UBAC2: variants seen among roughly 807,000 people sequenced by gnomAD.
UBAC2 encodes UBA domain containing 2.
In UBAC2, 26 loss-of-function variants were observed where a neutral mutation model predicts 44.0. The ratio of observed to expected loss-of-function variants is 0.59; its 90% CI spans 0.43 to 0.82. The LOEUF is 0.82. Among genes scored for constraint, UBAC2 ranks in the 40% least tolerant of loss-of-function variants. UBAC2 has a pLI of 0.00. For synonymous variants in UBAC2, 155 were observed against 154.3 expected, an observed-to-expected ratio of 1.00 and a Z score of -0.04; for missense variants, 329 against 419.4, an observed-to-expected ratio of 0.78 and a Z score of 1.88.
intron 4 of UBAC2, among the ~76,000 whole-genome samples, chr13:99,281,494 A>T (rs2043953942): frequency 6.6e-6 from 1 of 152,184 alleles, no homozygotes; most frequent in African/African-American, 2.4e-5. Flanking sequence ...CAGCAAGCAC[A>T]CGCCAGGCTC....
At chr13:99,247,493 C>T (rs1186912681) in intron 4 of UBAC2, among the ~76,000 whole-genome samples, 1 of 151,942 alleles carries the variant, frequency 6.6e-6, no homozygotes, top group Admixed American at 6.6e-5. Flanking sequence ...GGATTACAGG[C>T]GTGAGCCACC....
intron 1 of UBAC2, among the ~76,000 whole-genome samples, chr13:99,229,714 T>G (rs1462569566): frequency 2.6e-5 from 4 of 152,234 alleles, no homozygotes; most frequent in African/African-American, 9.6e-5. Flanking sequence ...AAATTTGGAT[T>G]GTTCTGTGAC....
At chr13:99,225,613 T>G (rs2043102438) in intron 1 of UBAC2, among the ~76,000 whole-genome samples, 1 of 152,206 alleles carries the variant, frequency 6.6e-6, no homozygotes, top group Admixed American at 6.5e-5. Flanking sequence ...CTCCTTCACA[T>G]CACTCCCCTT....
intron 1 of UBAC2, among the ~76,000 whole-genome samples, chr13:99,225,040 T>G (rs550898540): frequency 6.6e-6 from 1 of 152,330 alleles, no homozygotes; most frequent in Non-Finnish European, 1.5e-5. Flanking sequence ...CAGATCTGTA[T>G]TTTTAGGGGT....
chr13:99,306,395 A>T (rs899603181), intron 4 of UBAC2, among the ~76,000 whole-genome samples: 74 of 151,756 alleles, frequency 4.9e-4, no homozygotes, highest in Admixed American at 4.2e-3. Flanking sequence ...ATATTAGGTA[A>T]CTTGTGTGTG....
At chr13:99,323,957 A>G (rs1302817649) in intron 6 of UBAC2, among the ~76,000 whole-genome samples, 3 of 152,170 alleles carry the variant, frequency 2.0e-5, no homozygotes, top group African/African-American at 7.2e-5. Context: ...ATAGCTATAA[A>G]ATTTTATTAT....
intron 7 of UBAC2, among the ~76,000 whole-genome samples, chr13:99,360,114 G>C (rs1027944830): frequency 6.6e-6 from 1 of 151,800 alleles, no homozygotes; most frequent in Non-Finnish European, 1.5e-5. Flanking sequence ...ACTCTTTTAT[G>C]GGGCACCAAC....
At chr13:99,383,162 G>A (rs2138934484) in intron 8 of UBAC2, among the ~76,000 whole-genome samples, 1 of 152,338 alleles carries the variant, frequency 6.6e-6, no homozygotes, top group South Asian at 2.1e-4. Context: ...ATGTGTGTGT[G>A]TGTGCCTGTG....
intron 1 of UBAC2, among the ~76,000 whole-genome samples, chr13:99,224,433 T>G (rs2043088120): frequency 6.6e-6 from 1 of 152,238 alleles, no homozygotes; most frequent in Admixed American, 6.5e-5. Flanking sequence ...TTGCTTGTAT[T>G]ATCGATTACT....
chr13:99,236,470 A>G (rs1311903067), intron 1 of UBAC2, among the ~76,000 whole-genome samples: 1 of 152,242 alleles, frequency 6.6e-6, no homozygotes, highest in African/African-American at 2.4e-5. Flanking sequence ...TGTGCTCAAC[A>G]TTATTGATCA....
At chr13:99,328,496 G>A (rs570092493) in intron 6 of UBAC2, among the ~76,000 whole-genome samples, 1 of 152,096 alleles carries the variant, frequency 6.6e-6, no homozygotes, top group Non-Finnish European at 1.5e-5. Context: ...CTACACCCTT[G>A]TCAACACTTG....
chr13:99,205,064 C>T (rs575119998), intron 1 of UBAC2, among the ~76,000 whole-genome samples: 9 of 152,108 alleles, frequency 5.9e-5, no homozygotes, highest in East Asian at 3.9e-4. Flanking sequence ...ATGCCACACC[C>T]GGCTAATTTT....
intron 8 of UBAC2, among the ~76,000 whole-genome samples, chr13:99,378,761 A>G (rs2045514361): frequency 6.6e-6 from 1 of 152,248 alleles, no homozygotes; most frequent in African/African-American, 2.4e-5. Context: ...TGCATTGGCA[A>G]CAGCATGTGT....
intron 4 of UBAC2, among the ~76,000 whole-genome samples, chr13:99,257,723 T>A (rs2043590307): frequency 6.6e-6 from 1 of 152,218 alleles, no homozygotes; most frequent in African/African-American, 2.4e-5. Context: ...ACCATTAAGT[T>A]ATTTCATGAA....
chr13:99,227,904 G>C (rs1459561434), intron 1 of UBAC2, among the ~76,000 whole-genome samples: 1 of 152,218 alleles, frequency 6.6e-6, no homozygotes, highest in Non-Finnish European at 1.5e-5. Context: ...TTTGAGGAGA[G>C]AGGAAGAGAT....
intron 6 of UBAC2, among the ~76,000 whole-genome samples, chr13:99,332,575 G>A (rs73568087): frequency 0.016 from 2,400 of 152,296 alleles, 74 homozygotes; most frequent in African/African-American, 0.056. Flanking sequence ...TCAGCTGGAC[G>A]TGGGCCAGGG....
Position 99,385,300 on chromosome 13 carries a change from C to G in UBAC2, c.1000C>G (p.Leu334Val), listed in dbSNP as rs778351577. 6.2e-7 allele frequency: 1 copy of G among 1,614,122 alleles called. No individual in the cohort carries two copies. The highest frequency in any genetic ancestry group is 8.5e-7 in the Non-Finnish European group (1 of 1,180,008). ...LEALRASNND[L>V]NVATNFLLQH ...AGCCCTGAGAGCTTCAAACAATGAC[C>G]TCAATGTCGCCACCAACTTCCTGCT... The change falls in exon 9 of 9, where the codon CTC (leucine) becomes GTC (valine). Residue 334 changes from leucine to valine, a missense_variant. By Grantham distance (32) the Leu-to-Val change is conservative. Transcript: ENST00000403766.
chr13:99,310,592 T>C (rs2044398701), intron 4 of UBAC2, among the ~76,000 whole-genome samples: 1 of 152,254 alleles, frequency 6.6e-6, no homozygotes, highest in Admixed American at 6.5e-5. Context: ...GGAAAATTTC[T>C]GCAGAACAGC....
intron 4 of UBAC2, among the ~76,000 whole-genome samples, chr13:99,263,480 A>G (rs1469298378): frequency 2.6e-5 from 4 of 152,246 alleles, no homozygotes; most frequent in Non-Finnish European, 4.4e-5. Context: ...CAGAATGCCT[A>G]CGATGAAAAA....
Sources: gnomAD v4.1 joint callset for allele counts (sites outside exome capture counted in the v4.1 genomes callset) on GRCh38, gnomAD v4.1.1 for gene constraint, MANE v1.5 for transcripts, NCBI Gene and HGNC (gene_info 2026-07-23, HGNC 2026-07-21) for gene names.